SRGAP3: variants seen among roughly 807,000 people sequenced by gnomAD.
SRGAP3 encodes the protein SLIT-ROBO Rho GTPase-activating protein 3.
In SRGAP3, 39 loss-of-function variants were observed where a neutral mutation model predicts 121.1. The ratio of observed to expected loss-of-function variants is 0.32; its 90% CI spans 0.25 to 0.42. The LOEUF is 0.42. SRGAP3 is among the 10% of genes least tolerant of loss of function. SRGAP3 has a pLI of 1.00. For missense variants in SRGAP3, 1,213 were observed against 1,470.6 expected (o/e 0.82, Z 2.86); for synonymous variants, 601 against 570.0 (o/e 1.05, Z -0.77).
chr3:9,143,233 G>A (rs1949919453), intron 1 of SRGAP3, among the ~76,000 whole-genome samples: 1 of 152,080 alleles, frequency 6.6e-6, no homozygotes, highest in Non-Finnish European at 1.5e-5. Context: ...CTGGGCCAAG[G>A]TGCCCACTAC....
chr3:9,031,345 A>G (rs1323908890), intron 12 of SRGAP3, among the ~76,000 whole-genome samples: 1 of 152,162 alleles, frequency 6.6e-6, no homozygotes, highest in Non-Finnish European at 1.5e-5. Context: ...CCTTTGGTAC[A>G]GCCCTGCCCT....
chr3:9,015,841 T>C, intron 14 of SRGAP3, 110 bp from the exon 15 acceptor site: 10 of 1,384,142 alleles, frequency 7.2e-6, no homozygotes, highest in Non-Finnish European at 7.1e-6. Flanking sequence ...GAAAGGCAGA[T>C]GGGAAAAGTC....
Position 9,026,464 on chromosome 3 carries a change from C to A in SRGAP3, c.1600+471G>T, listed in dbSNP as rs187452312. On this transcript the variant is annotated intron_variant, in intron 13 of 21. Coordinates refer to ENST00000383836, the MANE Select transcript of SRGAP3 (RefSeq NM_014850.4). ...GAGGAATGAACGAGTGGATAAGCAC[C>A]AGTTATGTTCTGGTGACACCATGGT... Among the ~76,000 whole-genome samples, 225 of 152,286 alleles carry A rather than the reference C, an allele frequency of 1.5e-3. 1 individual carries two copies. The highest frequency in any genetic ancestry group is 0.01 in the Middle Eastern group (3 of 294).
chr3:8,985,968 G>A lies in SRGAP3; in HGVS notation c.2887-36C>T. On this transcript the variant is annotated intron_variant, in intron 21 of 21. Transcript: ENST00000383836. This position sits in a 1 kb window ranked among gnomAD's most constrained non-coding sequence, Gnocchi z 5.1. The stretch of plus-strand genomic sequence containing the variant: ...AGGGAGCTGGGGTCAGCACAGTCTG[G>A]AGACCTGGAGTCAGGTCCTTCCTGT... 6.3e-7 allele frequency: 1 copy of A among 1,599,518 alleles called. No homozygotes were observed. Among genetic ancestry groups the A allele is most frequent in the South Asian group, 1.1e-5 (1 of 91,046 alleles).
chr3:9,151,782 G>A (rs1205313020), intron 1 of SRGAP3, among the ~76,000 whole-genome samples: 1 of 152,224 alleles, frequency 6.6e-6, no homozygotes, highest in Non-Finnish European at 1.5e-5. Flanking sequence ...GGCCAGCAAG[G>A]AGCTCAAGGG....
intron 3 of SRGAP3, among the ~76,000 whole-genome samples, chr3:9,303,760 C>T (rs766485843): frequency 2.6e-5 from 4 of 152,196 alleles, no homozygotes; most frequent in African/African-American, 4.8e-5. Context: ...ATTTGGAAGG[C>T]GATTTACACT....
At chr3:9,019,688 C>A (rs1943818451) in intron 14 of SRGAP3, among the ~76,000 whole-genome samples, 1 of 152,244 alleles carries the variant, frequency 6.6e-6, no homozygotes, top group African/African-American at 2.4e-5. Flanking sequence ...CCTCCCTAGC[C>A]CCAACATGCT....
At position 9,002,004 on chromosome 3, in the gene SRGAP3, A is replaced by G. The variant is rs536540817; in HGVS notation, c.2228-7481T>C. 3.3e-5 allele frequency among the ~76,000 whole-genome samples: 5 copies of G among 152,320 alleles called. No individual in the cohort carries two copies. The East Asian group carries it at 9.6e-4, about 29-fold the overall frequency. ...CCCCATTCTCAATAACGGAAAGAAC[A>G]ACTAGACAGAAGATCAAAGAGGAAA... On this transcript the variant is annotated intron_variant, in intron 18 of 21. Coordinates refer to ENST00000383836, the MANE Select transcript of SRGAP3 (RefSeq NM_014850.4).
chr3:9,027,041 C>T (rs541481229), intron 12 of SRGAP3, 46 bp from the exon 13 acceptor site: 1 of 1,576,718 alleles, frequency 6.3e-7, no homozygotes, highest in East Asian at 2.2e-5. Flanking sequence ...TGACAACCAC[C>T]ACAGGAAAAA....
upstream of SRGAP3, among the ~76,000 whole-genome samples, chr3:9,250,276 G>A (rs1232863087): frequency 6.6e-6 from 1 of 152,150 alleles, no homozygotes; most frequent in Non-Finnish European, 1.5e-5. Context: ...GCACCGTTCT[G>A]GGTACAGGGA....
chr3:9,195,247 T>C (rs888234056), intron 1 of SRGAP3, among the ~76,000 whole-genome samples: 5 of 152,256 alleles, frequency 3.3e-5, no homozygotes, highest in East Asian at 1.9e-4. Context: ...CTTTTGAATA[T>C]GTATTTCCAT....
At chr3:9,024,998 G>A (rs145821995) in intron 14 of SRGAP3, among the ~76,000 whole-genome samples, 242 of 152,216 alleles carry the variant, frequency 1.6e-3, no homozygotes, top group African/African-American at 5.4e-3. Flanking sequence ...CTGGTGGTAG[G>A]TAAATGTTGA....
intron 1 of SRGAP3, among the ~76,000 whole-genome samples, chr3:9,176,769 A>G (rs1455473916): frequency 6.6e-6 from 1 of 152,180 alleles, no homozygotes; most frequent in South Asian, 2.1e-4. Context: ...GTATCTCTCA[A>G]GAACTCACTC....
chr3:9,147,876 G>A (rs1482666353), intron 1 of SRGAP3, among the ~76,000 whole-genome samples: 1 of 152,108 alleles, frequency 6.6e-6, no homozygotes, highest in Non-Finnish European at 1.5e-5. Context: ...GGGCTGTGAT[G>A]GGGCCCAGAC....
chr3:9,330,951 T>G (rs1284547502), intron 1 of SRGAP3, among the ~76,000 whole-genome samples: 3 of 152,218 alleles, frequency 2.0e-5, no homozygotes, highest in Non-Finnish European at 4.4e-5. Flanking sequence ...TAAACTAGGT[T>G]ACAGTTCATC....
Position 9,124,741 on chromosome 3 carries a change from G to A in SRGAP3, c.244C>T (p.Arg82Trp), listed in dbSNP as rs1022202474. Residue 82 changes from arginine (R) to tryptophan (W), a missense_variant, in exon 2 of 22, where the codon CGG (arginine) becomes TGG (tryptophan). By Grantham distance (101) the Arg-to-Trp change is moderately radical. Coordinates refer to ENST00000383836, the MANE Select transcript of SRGAP3 (RefSeq NM_014850.4). Reference protein sequence around the residue: ...ERFSSKIRSSREHQFKKDQYL... With the variant: ...ERFSSKIRSSWEHQFKKDQYL... Reference sequence around the variant, plus strand: ...ACTTCTTACTTGAACTGGTGCTCCCGGGAGCTGCGGATTTTGGAGGAGAAG... The same window carrying A: ...ACTTCTTACTTGAACTGGTGCTCCCAGGAGCTGCGGATTTTGGAGGAGAAG... 11 of 1,613,974 alleles carry A rather than the reference G, an allele frequency of 6.8e-6. No individual in the cohort carries two copies. Among genetic ancestry groups the A allele is most frequent in the East Asian group, 2.2e-5 (1 of 44,886 alleles).
intron 3 of SRGAP3, among the ~76,000 whole-genome samples, chr3:9,315,141 A>G (rs996306928): frequency 2.6e-5 from 4 of 152,162 alleles, no homozygotes; most frequent in African/African-American, 9.7e-5. Context: ...TCTCCAGTCT[A>G]TCTTCAGCTG....
chr3:9,245,148 C>G (rs1953774232), intron 1 of SRGAP3, among the ~76,000 whole-genome samples: 1 of 152,298 alleles, frequency 6.6e-6, no homozygotes, highest in African/African-American at 2.4e-5. Context: ...ACATAAAGCT[C>G]TCATCCAGAT....
At chr3:9,024,358 T>C (rs898006623) in intron 14 of SRGAP3, among the ~76,000 whole-genome samples, 1 of 152,230 alleles carries the variant, frequency 6.6e-6, no homozygotes, top group Non-Finnish European at 1.5e-5. Context: ...ATGGTCTTGT[T>C]AATGCTAGGT....
Sources: gnomAD v4.1 joint callset for allele counts (sites outside exome capture counted in the v4.1 genomes callset) on GRCh38, gnomAD v4.1.1 for gene constraint, Gnocchi (gnomAD v3.1) non-coding constraint, MANE v1.5 for transcripts, NCBI Gene and HGNC (gene_info 2026-07-23, HGNC 2026-07-21) for gene names.